The following VPS54 variants were observed in gnomAD, a reference collection of about 807,000 sequenced individuals.
The protein encoded by VPS54 is vacuolar protein sorting-associated protein 54.
VPS54 carries 45 observed loss-of-function variants against 121.5 expected under a neutral mutation model. The observed-to-expected ratio is 0.37, with a 90% CI of 0.29 to 0.47. VPS54 has a LOEUF of 0.47. VPS54 is among the 20% of genes least tolerant of loss of function. The pLI, the probability that VPS54 is intolerant of heterozygous loss-of-function variation, is 0.99. For missense variants in VPS54, 1,090 were observed against 1,131.4 expected, an observed-to-expected ratio of 0.96 and a Z score of 0.52; for synonymous variants, 371 against 385.8, an observed-to-expected ratio of 0.96 and a Z score of 0.45.
chr2:63,921,663 G>T (rs1673652485), intron 12 of VPS54, among the ~76,000 whole-genome samples: 1 of 152,016 alleles, frequency 6.6e-6, no homozygotes, highest in African/African-American at 2.4e-5. Flanking sequence ...AAGTAGCTGG[G>T]ACTACAGAGT....
chr2:63,970,333 G>C (rs994888201), intron 4 of VPS54, among the ~76,000 whole-genome samples: 7 of 88,622 alleles, frequency 7.9e-5, no homozygotes, highest in Non-Finnish European at 1.5e-4. Context: ...CCAGGACCAG[G>C]TTGAGGGAAG....
Position 63,937,973 on chromosome 2 carries a change from T to C in VPS54, c.1399-3960A>G, listed in dbSNP as rs1005704017. Among the ~76,000 whole-genome samples, 4 of 152,018 alleles carry C rather than the reference T, an allele frequency of 2.6e-5. No individual in the cohort carries two copies. In the South Asian group the frequency reaches 8.3e-4, roughly 32 times the overall value. ...ATCGGTGCACAGCATGAGTGCTCTA[T>C]GAGTCAAACTCATAGAGACAGAAAG... is the stretch of plus-strand genomic sequence containing the variant. On this transcript the variant is annotated intron_variant, in intron 11 of 22. Coordinates refer to ENST00000272322, the MANE Select transcript of VPS54 (RefSeq NM_016516.3).
At chr2:63,963,984 C>T (rs1022969071) in intron 6 of VPS54, among the ~76,000 whole-genome samples, 1 of 152,118 alleles carries the variant, frequency 6.6e-6, no homozygotes, top group Non-Finnish European at 1.5e-5. Flanking sequence ...ATGAAGTAAG[C>T]AGTGCAGTGA....
chr2:63,909,258 T>G (rs1673030715), intron 20 of VPS54, among the ~76,000 whole-genome samples: 1 of 152,176 alleles, frequency 6.6e-6, no homozygotes, highest in Non-Finnish European at 1.5e-5. Context: ...TTCACCCTTG[T>G]GTATCCCTGA....
At chr2:63,897,653 C>G in intron 21 of VPS54, 63 bp from the exon 22 acceptor site, 1 of 987,754 alleles carries the variant, frequency 1.0e-6, no homozygotes, top group Non-Finnish European at 1.5e-6. Context: ...TCTGAGTTAT[C>G]AATATTATTT....
chr2:64,017,320 G>C (rs557939638), intron 1 of VPS54, among the ~76,000 whole-genome samples: 19 of 143,568 alleles, frequency 1.3e-4, no homozygotes, highest in African/African-American at 4.3e-4. Context: ...CTGGGCAACA[G>C]AGCAAGACCC....
intron 3 of VPS54, among the ~76,000 whole-genome samples, chr2:63,980,660 G>C (rs1454755821): frequency 6.6e-6 from 1 of 152,046 alleles, no homozygotes; most frequent in African/African-American, 2.4e-5. Context: ...GGAAGGAATG[G>C]ATGTCAGTTT....
intron 9 of VPS54, 105 bp downstream of exon 9, chr2:63,947,278 G>T: frequency 2.8e-6 from 3 of 1,064,438 alleles, no homozygotes; most frequent in East Asian, 3.7e-5. Context: ...TTACATAAAT[G>T]AGCTATATTA....
At chr2:63,929,705 C>CA (rs71393340) in intron 12 of VPS54, among the ~76,000 whole-genome samples, 27,180 of 129,094 alleles carry the variant, frequency 0.21, 3,002 homozygotes, top group Non-Finnish European at 0.27. Flanking sequence ...AAAAACCCTT[C>CA]AAAAAAAAAA....
At chr2:63,970,657 T>C (rs1277879599) in intron 4 of VPS54, among the ~76,000 whole-genome samples, 3 of 152,170 alleles carry the variant, frequency 2.0e-5, no homozygotes, top group Non-Finnish European at 4.4e-5. Context: ...CAACTAACTG[T>C]TCTTACTTTC....
intron 1 of VPS54, among the ~76,000 whole-genome samples, chr2:63,999,483 T>C (rs1339952473): frequency 6.6e-6 from 1 of 152,104 alleles, no homozygotes; most frequent in African/African-American, 2.4e-5. Context: ...CTCCATTGTA[T>C]GTTGTTTCTT....
At chr2:63,917,793 A>G (rs1036722968) in intron 15 of VPS54, among the ~76,000 whole-genome samples, 1 of 152,026 alleles carries the variant, frequency 6.6e-6, no homozygotes, top group Non-Finnish European at 1.5e-5. Context: ...AAATGGCCCT[A>G]AAGTCAGTCT....
chr2:63,998,565 G>C (rs1677719337), intron 1 of VPS54, among the ~76,000 whole-genome samples: 1 of 151,960 alleles, frequency 6.6e-6, no homozygotes, highest in African/African-American at 2.4e-5. Context: ...TTGTGTATCT[G>C]TTCCATGTTT....
chr2:63,912,316 A>T, intron 20 of VPS54, 29 bp downstream of exon 20: 1 of 1,547,064 alleles, frequency 6.5e-7, no homozygotes, highest in Non-Finnish European at 8.8e-7. Flanking sequence ...GTCTTTGAAC[A>T]AAGTCTAATA....
intron 20 of VPS54, among the ~76,000 whole-genome samples, chr2:63,901,153 T>TA (rs1672664901): frequency 6.6e-6 from 1 of 152,254 alleles, no homozygotes; most frequent in Non-Finnish European, 1.5e-5. Context: ...GTTCTACTTT[T>TA]ATTTAAAATT....
At chr2:63,903,813 C>T (rs1224226770) in intron 20 of VPS54, among the ~76,000 whole-genome samples, 1 of 151,906 alleles carries the variant, frequency 6.6e-6, no homozygotes, top group African/African-American at 2.4e-5. Context: ...CTATAAAAAA[C>T]ATTTAATCTG....
intron 22 of VPS54, among the ~76,000 whole-genome samples, chr2:63,895,325 G>A (rs563472341): frequency 5.5e-4 from 83 of 152,206 alleles, no homozygotes; most frequent in Non-Finnish European, 6.9e-4. Context: ...GTGGTGGCAC[G>A]TGCCTGTAAT....
intron 9 of VPS54, 30 bp downstream of exon 9, chr2:63,947,353 A>C: frequency 6.6e-7 from 1 of 1,506,374 alleles, no homozygotes; most frequent in Admixed American, 2.1e-5. Flanking sequence ...GTTCCAGACC[A>C]AAATATGTCA....
intron 20 of VPS54, among the ~76,000 whole-genome samples, chr2:63,904,002 CTAACTT>C (rs1321371476): frequency 3.3e-5 from 5 of 152,066 alleles, no homozygotes; most frequent in South Asian, 2.1e-4. Context: ...GTATAAGAAA[CTAACTT>C]TAAATAAGGC....
Sources: allele counts gnomAD v4.1 joint callset (sites outside exome capture counted in the v4.1 genomes callset), GRCh38; gene constraint gnomAD v4.1.1; transcripts MANE v1.5; gene names NCBI Gene and HGNC (gene_info 2026-07-23, HGNC 2026-07-21).